Variants in ZNF248 observed in about 807,000 individuals in gnomAD.
The protein encoded by ZNF248 is KRAB protein domain.
A neutral mutation model predicts 44.3 loss-of-function variants in ZNF248; 20 were observed. The ratio of observed to expected loss-of-function variants is 0.45; its 90% CI spans 0.32 to 0.66. The LOEUF (loss-of-function observed/expected upper bound fraction) is 0.66, where lower values mean the gene tolerates loss of function less well. Among genes scored for constraint, ZNF248 ranks in the 30% least tolerant of loss-of-function variants. The probability of loss-of-function intolerance (pLI) is 0.04; values close to 1 mark genes in which losing one functional copy is unlikely to be tolerated. For missense variants in ZNF248, 654 were observed against 677.0 expected (o/e 0.97, Z 0.38); for synonymous variants, 224 against 229.0 (o/e 0.98, Z 0.20).
the ZNF248 span, among the ~76,000 whole-genome samples, chr10:37,769,775 C>A: frequency 6.6e-6 from 1 of 152,082 alleles, no homozygotes; most frequent in Non-Finnish European, 1.5e-5. Flanking sequence ...CTGGCCAGGG[C>A]AATTAGGCAG....
At chr10:37,854,999 A>T (rs972056327) in intron 3 of ZNF248, among the ~76,000 whole-genome samples, 1 of 152,242 alleles carries the variant, frequency 6.6e-6, no homozygotes, top group Non-Finnish European at 1.5e-5. Flanking sequence ...CTGCATGTTA[A>T]AAAGATGCCA....
At chr10:37,778,387 G>GC in intron 6 of ZNF248, among the ~76,000 whole-genome samples, 1 of 151,442 alleles carries the variant, frequency 6.6e-6, no homozygotes. Flanking sequence ...AGGGTTGTTT[G>GC]TTTTTTTCTT....
chr10:37,829,187 C>A lies in ZNF248; in HGVS notation c.*2428G>T. On this transcript the variant is annotated 3_prime_UTR_variant, in exon 6 of 6. Coordinates refer to ENST00000395867, the MANE Select transcript of ZNF248 (RefSeq NM_021045.3). Reference sequence around the variant, plus strand: ...ACCACAGTTCTGGTAGTAATGATGTCTCTTACAAGGTGGCCCCTCCTTCAT... The same window carrying A: ...ACCACAGTTCTGGTAGTAATGATGTATCTTACAAGGTGGCCCCTCCTTCAT... 1.0e-6 allele frequency: 1 copy of A among 985,458 alleles called. No homozygotes were observed. Among genetic ancestry groups the A allele is most frequent in the Non-Finnish European group, 1.2e-6 (1 of 829,962 alleles). The allele number at this position is 985,458 out of a possible 1,614,324, so 61.0% of individuals were successfully genotyped here. A position where few individuals can be genotyped will look rare whatever the true frequency, so the allele number is the denominator to read the frequency against.
At position 37,832,553 on chromosome 10, in the gene ZNF248, C is replaced by T. The variant is rs2056074118; in HGVS notation, c.802G>A (p.Glu268Lys). 6.2e-7 allele frequency: 1 copy of T among 1,613,762 alleles called. No homozygotes were observed. Among genetic ancestry groups the T allele is most frequent in the Admixed American group, 1.7e-5 (1 of 59,974 alleles). ...NISQRPHLEM[E>K]PYGCSICGKS... Reference sequence around the variant, plus strand: ...CCGCAAATACTGCATCCATACGGCTCCATTTCCAAATGAGGTCTTTGAGAT... The same window carrying T: ...CCGCAAATACTGCATCCATACGGCTTCATTTCCAAATGAGGTCTTTGAGAT... Residue 268 changes from glutamate (E) to lysine (K), a missense_variant, in exon 6 of 6, where the codon GAG becomes AAG. Transcript: ENST00000395867.
At chr10:37,826,015 A>G (rs1268148699), downstream of ZNF248, among the ~76,000 whole-genome samples, 9 of 152,198 alleles carry the variant, frequency 5.9e-5, no homozygotes, top group East Asian at 1.5e-3. Flanking sequence ...GAAGCTACCT[A>G]AAAGTGAGCC....
intron 3 of ZNF248, among the ~76,000 whole-genome samples, chr10:37,841,383 T>A (rs1328728475): frequency 6.6e-6 from 1 of 152,062 alleles, no homozygotes; most frequent in Non-Finnish European, 1.5e-5. Context: ...TCTACTTCCT[T>A]TGGAGTAAAT....
chr10:37,827,882 G>A (rs146980143), downstream of ZNF248, among the ~76,000 whole-genome samples: 2 of 152,276 alleles, frequency 1.3e-5, no homozygotes, highest in South Asian at 2.1e-4. Context: ...TAGACCAGAG[G>A]AGGGCAATTT....
intron 3 of ZNF248, 144 bp downstream of exon 3, chr10:37,856,152 T>C (rs1180411262): frequency 1.2e-6 from 1 of 829,438 alleles, no homozygotes; most frequent in Non-Finnish European, 1.8e-6. Context: ...CCAACTGCAC[T>C]ATTTTGGATT....
chr10:37,762,421 T>C, the ZNF248 span, among the ~76,000 whole-genome samples: 37 of 152,290 alleles, frequency 2.4e-4, no homozygotes, highest in Non-Finnish European at 4.7e-4. Context: ...ACACCTAATA[T>C]GTAACAGACC....
chr10:37,834,841 T>C (rs573209703), intron 5 of ZNF248, among the ~76,000 whole-genome samples: 1 of 152,208 alleles, frequency 6.6e-6, no homozygotes, highest in African/African-American at 2.4e-5. Flanking sequence ...TGAGAAAACA[T>C]TTGCAAATAA....
intron 6 of ZNF248, among the ~76,000 whole-genome samples, chr10:37,793,774 T>C (rs1235128475): frequency 6.6e-6 from 1 of 152,204 alleles, no homozygotes; most frequent in African/African-American, 2.4e-5. Context: ...ATTTCCTACT[T>C]TTCCGTGTAT....
intron 6 of ZNF248, among the ~76,000 whole-genome samples, chr10:37,783,584 A>G (rs894860392): frequency 6.6e-6 from 1 of 152,196 alleles, no homozygotes; most frequent in Non-Finnish European, 1.5e-5. Flanking sequence ...GAGAAGTGAC[A>G]ATTCACTTCC....
At chr10:37,825,911 G>C (rs555378186), downstream of ZNF248, among the ~76,000 whole-genome samples, 8 of 151,580 alleles carry the variant, frequency 5.3e-5, no homozygotes, top group South Asian at 2.1e-4. Context: ...AAAAAAAAAG[G>C]GGGGGAGAGA....
chr10:37,848,724 T>A (rs1247928823), intron 3 of ZNF248, among the ~76,000 whole-genome samples: 1 of 152,158 alleles, frequency 6.6e-6, no homozygotes, highest in Admixed American at 6.5e-5. Context: ...AGCCACCAGC[T>A]TGGAGATGTT....
chr10:37,785,339 G>T (rs1443696638), intron 6 of ZNF248, among the ~76,000 whole-genome samples: 1 of 152,164 alleles, frequency 6.6e-6, no homozygotes, highest in Non-Finnish European at 1.5e-5. Context: ...CTGACTTAGT[G>T]TAATCTATTG....
intron 6 of ZNF248, among the ~76,000 whole-genome samples, chr10:37,783,157 C>T (rs1219669722): frequency 6.6e-6 from 1 of 152,156 alleles, no homozygotes; most frequent in Non-Finnish European, 1.5e-5. Context: ...GACCATGTCA[C>T]ATGCTTAAAT....
At chr10:37,853,533 A>G (rs1421071463) in intron 3 of ZNF248, among the ~76,000 whole-genome samples, 2 of 152,002 alleles carry the variant, frequency 1.3e-5, no homozygotes, top group East Asian at 1.9e-4. Flanking sequence ...GCCTGCCACC[A>G]TGCCCGGCTA....
intron 3 of ZNF248, among the ~76,000 whole-genome samples, chr10:37,842,618 T>A (rs2058542706): frequency 6.6e-6 from 1 of 152,148 alleles, no homozygotes. Context: ...GAAGGACTGA[T>A]GCAATATGCT....
the ZNF248 span, among the ~76,000 whole-genome samples, chr10:37,765,560 A>G: frequency 6.6e-6 from 1 of 152,228 alleles, no homozygotes; most frequent in Non-Finnish European, 1.5e-5. Flanking sequence ...ATGGTATATT[A>G]TCTGTAACTG....
Sources: gnomAD v4.1 joint callset for allele counts (sites outside exome capture counted in the v4.1 genomes callset) on GRCh38, gnomAD v4.1.1 for gene constraint, MANE v1.5 for transcripts, NCBI Gene and HGNC (gene_info 2026-07-23, HGNC 2026-07-21) for gene names.